HMCN1: variants seen among roughly 807,000 people sequenced by gnomAD.
HMCN1 encodes the protein hemicentin 1.
In HMCN1, 321 loss-of-function variants were observed where a neutral mutation model predicts 625.9. The observed-to-expected ratio is 0.51, with a 90% CI of 0.47 to 0.56. The LOEUF is 0.56. Among genes scored for constraint, HMCN1 ranks in the 20% least tolerant of loss-of-function variants. HMCN1 has a pLI of 0.00. For missense variants in HMCN1, 6,588 were observed against 6,887.3 expected, an observed-to-expected ratio of 0.96 and a Z score of 1.54; for synonymous variants, 2,425 against 2,417.6, an observed-to-expected ratio of 1.00 and a Z score of -0.09.
At chr1:186,001,485 G>T in intron 27 of HMCN1, 57 bp downstream of exon 27, 10 of 1,593,862 alleles carry the variant, frequency 6.3e-6, no homozygotes, top group Non-Finnish European at 8.6e-6. Flanking sequence ...GAAGTAGGTT[G>T]TTCAGATGTT....
chr1:186,172,814 C>T (rs75686464), intron 102 of HMCN1, among the ~76,000 whole-genome samples: 1,710 of 152,098 alleles, frequency 0.011, 26 homozygotes, highest in African/African-American at 0.04. Context: ...ATACCCCCTC[C>T]CCCCAAAAAA....
chr1:185,934,427 CTACT>C (rs1298875338), intron 11 of HMCN1, among the ~76,000 whole-genome samples: 1 of 152,056 alleles, frequency 6.6e-6, no homozygotes, highest in Non-Finnish European at 1.5e-5. Context: ...TATACATTGA[CTACT>C]GAATGTTCCA....
In HMCN1 at chr1:186,001,381, GA is replaced by G; in HGVS notation, c.4155del (p.Gly1386AlafsTer16). 6.2e-7 allele frequency: 1 copy of G among 1,612,178 alleles called. No homozygotes were observed. The highest frequency in any genetic ancestry group is 8.5e-7 in the Non-Finnish European group (1 of 1,178,616). On this transcript the variant is annotated frameshift_variant, in exon 27 of 107. Coordinates refer to ENST00000271588, the MANE Select transcript of HMCN1 (RefSeq NM_031935.3). LOFTEE classifies it high-confidence loss of function. Reference protein sequence around the residue: ...NQLTNLFCEVEGTPSPIIMWY... With the variant: ...NQLTNLFCEVXGTPSPIIMWY... ...GCTGACCAATCTCTTCTGTGAAGTG[GA>G]AGGCACTCCATCTCCCATCATTATG...
At position 185,827,012 on chromosome 1, in the gene HMCN1, TAA is replaced by T. The variant is rs201009421; in HGVS notation, c.269-19010_269-19009del. On this transcript the variant is annotated intron_variant, in intron 1 of 106. Transcript: ENST00000271588. ...TGACACAGTGAAACCTTGTCTCTAC[TAA>T]AAATAAAAAAAATTGGCTGGGCGTG... 9.1e-3 allele frequency among the ~76,000 whole-genome samples: 1,383 copies of T among 151,496 alleles called. 20 individuals are homozygous for T. Among genetic ancestry groups the T allele is most frequent in the African/African-American group, 0.03 (1,250 of 41,296 alleles).
chr1:186,127,427 G>C (rs756262710), intron 82 of HMCN1, among the ~76,000 whole-genome samples: 3 of 152,014 alleles, frequency 2.0e-5, no homozygotes, highest in South Asian at 2.1e-4. Flanking sequence ...GAGCCTTCTC[G>C]CTTGCCACCA....
intron 2 of HMCN1, among the ~76,000 whole-genome samples, chr1:185,854,595 T>C (rs1662349062): frequency 6.6e-6 from 1 of 152,148 alleles, no homozygotes; most frequent in Admixed American, 6.5e-5. Context: ...GTCCCTCAGG[T>C]TTCCTTACAT....
chr1:186,157,849 A>G (rs1409276413), intron 97 of HMCN1, among the ~76,000 whole-genome samples: 2 of 152,112 alleles, frequency 1.3e-5, no homozygotes, highest in Non-Finnish European at 2.9e-5. Flanking sequence ...ATTGTTGGAC[A>G]TTTGGGTTGG....
At chr1:185,954,691 T>C (rs1353630090) in intron 11 of HMCN1, among the ~76,000 whole-genome samples, 1 of 152,158 alleles carries the variant, frequency 6.6e-6, no homozygotes, top group Non-Finnish European at 1.5e-5. Context: ...GATTTGTTAA[T>C]TGCTTCTTGG....
chr1:185,816,686 G>A (rs754021542), intron 1 of HMCN1, among the ~76,000 whole-genome samples: 6 of 152,142 alleles, frequency 3.9e-5, no homozygotes, highest in Non-Finnish European at 8.8e-5. Context: ...CCCAATGTGG[G>A]GGCTGAGGCA....
At chr1:186,030,884 G>C (rs1655386797) in intron 36 of HMCN1, among the ~76,000 whole-genome samples, 1 of 151,512 alleles carries the variant, frequency 6.6e-6, no homozygotes, top group South Asian at 2.1e-4. Context: ...AATAATTATA[G>C]TATTTGGATA....
intron 1 of HMCN1, among the ~76,000 whole-genome samples, chr1:185,824,136 G>A (rs1182520075): frequency 6.6e-6 from 1 of 152,118 alleles, no homozygotes; most frequent in Admixed American, 6.6e-5. Flanking sequence ...TTATGCTTCA[G>A]CTTGTTTAAT....
intron 1 of HMCN1, among the ~76,000 whole-genome samples, chr1:185,813,132 T>C (rs902729616): frequency 6.6e-6 from 1 of 152,162 alleles, no homozygotes; most frequent in Non-Finnish European, 1.5e-5. Context: ...ACATGGGACT[T>C]GGCCCCATAA....
chr1:185,803,336 T>C (rs1202062365), intron 1 of HMCN1, among the ~76,000 whole-genome samples: 1 of 152,058 alleles, frequency 6.6e-6, no homozygotes, highest in African/African-American at 2.4e-5. Context: ...TATATAGCTT[T>C]GACATCTTTA....
chr1:185,831,012 A>G (rs1660825152), intron 1 of HMCN1, among the ~76,000 whole-genome samples: 1 of 152,204 alleles, frequency 6.6e-6, no homozygotes, highest in Non-Finnish European at 1.5e-5. Context: ...AACTTCAAAA[A>G]CTTGATAACA....
At chr1:186,066,254 A>G (rs1370387980) in intron 49 of HMCN1, among the ~76,000 whole-genome samples, 2 of 152,188 alleles carry the variant, frequency 1.3e-5, no homozygotes, top group Non-Finnish European at 2.9e-5. Context: ...ATAAATTGAC[A>G]TACAGTATCT....
At chr1:185,920,000 T>C (rs1666921144) in intron 6 of HMCN1, among the ~76,000 whole-genome samples, 1 of 152,224 alleles carries the variant, frequency 6.6e-6, no homozygotes, top group Admixed American at 6.5e-5. Flanking sequence ...TAATATTTTT[T>C]AAAGGGAGCT....
intron 2 of HMCN1, among the ~76,000 whole-genome samples, chr1:185,848,438 A>C (rs1010195158): frequency 6.6e-6 from 1 of 151,812 alleles, no homozygotes; most frequent in African/African-American, 2.4e-5. Context: ...AGGAAACTTC[A>C]TTTCCTTCCA....
rs1363510506 is a variant in HMCN1 at position 185,901,076 on chromosome 1, T to A, written c.622-8261T>A. Reference sequence around the variant, plus strand: ...AAAGAAAATTCTATTAAATGTTTAATGCATCTAAATCACTTCATCTATATT... The same window carrying A: ...AAAGAAAATTCTATTAAATGTTTAAAGCATCTAAATCACTTCATCTATATT... On this transcript the variant is annotated intron_variant, in intron 4 of 106. Coordinates refer to ENST00000271588, the MANE Select transcript of HMCN1 (RefSeq NM_031935.3). 4.6e-5 allele frequency among the ~76,000 whole-genome samples: 7 copies of A among 151,986 alleles called. 1 individual carries two copies. Among genetic ancestry groups the A allele is most frequent in the African/African-American group, 1.4e-4 (6 of 41,528 alleles).
At chr1:186,170,109 C>T (rs1422376954) in intron 100 of HMCN1, among the ~76,000 whole-genome samples, 1 of 151,986 alleles carries the variant, frequency 6.6e-6, no homozygotes, top group African/African-American at 2.4e-5. Flanking sequence ...AAATCAAAAC[C>T]ACAATGAGAT....
Sources: allele counts gnomAD v4.1 joint callset (sites outside exome capture counted in the v4.1 genomes callset), GRCh38; gene constraint gnomAD v4.1.1; transcripts MANE v1.5; gene names NCBI Gene and HGNC (gene_info 2026-07-23, HGNC 2026-07-21).